Variants in CCSER1 observed in about 807,000 individuals in gnomAD.
CCSER1 encodes the protein coiled-coil serine rich protein 1.
In CCSER1, 41 loss-of-function variants were observed where a neutral mutation model predicts 82.0. The observed-to-expected ratio is 0.50, with a 90% CI of 0.39 to 0.65. The LOEUF is 0.65. Among genes scored for constraint, CCSER1 ranks in the 30% least tolerant of loss-of-function variants. The pLI is 0.00. For missense variants in CCSER1, 1,119 were observed against 1,064.2 expected, an observed-to-expected ratio of 1.05 and a Z score of -0.72; for synonymous variants, 414 against 383.9, an observed-to-expected ratio of 1.08 and a Z score of -0.92.
chr4:90,308,541 A>T lies in CCSER1; in HGVS notation c.257A>T (p.Asn86Ile), dbSNP rs776276882. 5.6e-6 allele frequency: 9 copies of T among 1,613,768 alleles called. No homozygotes were observed. The African/African-American group carries it at 9.3e-5, about 17-fold the overall frequency. The stretch of plus-strand genomic sequence containing the variant: ...CCTAAGCAAGAGCCTACCAACCAGA[A>T]CCTTAGTATTTCAAATGGTGCTCAA... ...SEPKQEPTNQ[N>I]LSISNGAQPG... The change falls in exon 2 of 11, where the codon AAC becomes ATC. Residue 86 changes from asparagine (N) to isoleucine (I), a missense_variant. Asn to Ile is a moderately radical substitution (Grantham distance 149). Transcript: ENST00000509176.
intron 9 of CCSER1, among the ~76,000 whole-genome samples, chr4:90,992,683 C>T (rs1429955454): frequency 2.6e-5 from 4 of 151,808 alleles, no homozygotes; most frequent in Non-Finnish European, 4.4e-5. Flanking sequence ...GTTGTAGGGC[C>T]GTTAGGTCTT....
chr4:90,557,855 G>T (rs1470145854), intron 5 of CCSER1, among the ~76,000 whole-genome samples: 3 of 152,036 alleles, frequency 2.0e-5, no homozygotes, highest in Admixed American at 2.0e-4. Context: ...TAGCCTTAAT[G>T]TGTTTTTATT....
intron 3 of CCSER1, among the ~76,000 whole-genome samples, chr4:90,361,021 T>C (rs1409643554): frequency 1.3e-5 from 2 of 152,226 alleles, no homozygotes; most frequent in Non-Finnish European, 2.9e-5. Context: ...TAGTTCATTC[T>C]GTCTAGGTAA....
chr4:91,537,137 G>A lies in CCSER1; in HGVS notation c.2218-61435G>A, dbSNP rs568999398. On this transcript the variant is annotated intron_variant, in intron 10 of 10. Transcript: ENST00000509176. ...GGTCAGGCATTATAGTAAAAGGCTC[G>A]AACACATTAGTTTACAGCATCCCTG... Among the ~76,000 whole-genome samples, 7 of 152,046 alleles carry A rather than the reference G, an allele frequency of 4.6e-5. No individual in the cohort carries two copies. In the South Asian group the frequency reaches 1.0e-3, roughly 23 times the overall value.
At chr4:90,815,641 A>T in intron 7 of CCSER1, 121 bp from the exon 8 acceptor site, 1 of 612,940 alleles carries the variant, frequency 1.6e-6, no homozygotes, top group Non-Finnish European at 2.8e-6. Context: ...CATACTATAG[A>T]GGGAATTTGA....
chr4:91,469,330 T>A (rs1328632662), intron 10 of CCSER1, among the ~76,000 whole-genome samples: 2 of 152,138 alleles, frequency 1.3e-5, no homozygotes, highest in Admixed American at 1.3e-4. Flanking sequence ...TAGAACATAG[T>A]TTTTAAAAAA....
intron 10 of CCSER1, among the ~76,000 whole-genome samples, chr4:91,393,870 G>C (rs1751810187): frequency 6.6e-6 from 1 of 151,882 alleles, no homozygotes; most frequent in Admixed American, 6.6e-5. Flanking sequence ...CTGGTGCTGA[G>C]AGAGAGTCAA....
chr4:90,710,183 A>G (rs1013634676), intron 6 of CCSER1, among the ~76,000 whole-genome samples: 4 of 152,082 alleles, frequency 2.6e-5, no homozygotes, highest in Non-Finnish European at 5.9e-5. Context: ...GACTCTGGAT[A>G]TTAGACCTTT....
chr4:91,344,931 T>C (rs896151202), intron 10 of CCSER1, among the ~76,000 whole-genome samples: 2 of 152,202 alleles, frequency 1.3e-5, no homozygotes, highest in Admixed American at 1.3e-4. Flanking sequence ...ACTTCATAAA[T>C]GTTTATGAGC....
chr4:91,427,657 T>C (rs17018502), intron 10 of CCSER1, among the ~76,000 whole-genome samples: 12,304 of 152,146 alleles, frequency 0.081, 552 homozygotes, highest in Non-Finnish European at 0.099. Context: ...TACAGAATGG[T>C]TGTGAGGATT....
intron 10 of CCSER1, among the ~76,000 whole-genome samples, chr4:91,181,458 T>A (rs1398485161): frequency 6.6e-6 from 1 of 152,208 alleles, no homozygotes; most frequent in Non-Finnish European, 1.5e-5. Context: ...TTTAAATATT[T>A]GTTCTTTTAA....
intron 10 of CCSER1, among the ~76,000 whole-genome samples, chr4:91,509,533 G>A (rs1318833474): frequency 7.2e-5 from 11 of 152,014 alleles, no homozygotes; most frequent in Admixed American, 7.2e-4. Flanking sequence ...GGAACTTGAG[G>A]ATAATATATC....
At chr4:90,708,465 G>A (rs759406455) in intron 6 of CCSER1, among the ~76,000 whole-genome samples, 2 of 152,148 alleles carry the variant, frequency 1.3e-5, no homozygotes, top group Non-Finnish European at 2.9e-5. Flanking sequence ...GGCTGGGAGT[G>A]TAACACTAGT....
intron 6 of CCSER1, among the ~76,000 whole-genome samples, chr4:90,701,655 C>T (rs1738154261): frequency 6.6e-6 from 1 of 152,118 alleles, no homozygotes; most frequent in South Asian, 2.1e-4. Context: ...TCCTCTTTTA[C>T]TTCATTGAGA....
At chr4:90,626,385 TTGA>T (rs1487878560) in intron 5 of CCSER1, among the ~76,000 whole-genome samples, 1 of 152,230 alleles carries the variant, frequency 6.6e-6, no homozygotes, top group African/African-American at 2.4e-5. Context: ...ATTTTTATAC[TTGA>T]TTTTATTCTT....
intron 1 of CCSER1, among the ~76,000 whole-genome samples, chr4:90,237,488 T>C (rs1465575275): frequency 1.3e-5 from 2 of 152,186 alleles, no homozygotes; most frequent in African/African-American, 4.8e-5. Flanking sequence ...TGTTTCTCAA[T>C]AGCTTTTCCA....
In CCSER1 at chr4:91,394,778, A is replaced by G. The variant is rs143270889; in HGVS notation, c.2218-203794A>G. Reference sequence around the variant, plus strand: ...ACTTAGTAAAGCATTTCTAACATATAACAAAAAACCTTCTAGATGTATTGC... The same window carrying G: ...ACTTAGTAAAGCATTTCTAACATATGACAAAAAACCTTCTAGATGTATTGC... On this transcript the variant is annotated intron_variant, in intron 10 of 10. Transcript: ENST00000509176. Among the ~76,000 whole-genome samples, 127 of 152,170 alleles carry G rather than the reference A, an allele frequency of 8.3e-4. 1 individual carries two copies. Among genetic ancestry groups the G allele is most frequent in the African/African-American group, 3.1e-3 (127 of 41,562 alleles).
chr4:90,910,429 A>G (rs1483851412), intron 8 of CCSER1, among the ~76,000 whole-genome samples: 1 of 152,214 alleles, frequency 6.6e-6, no homozygotes, highest in African/African-American at 2.4e-5. Flanking sequence ...TTTCCAATTC[A>G]TATTTTTTAT....
chr4:90,628,181 C>T lies in CCSER1; in HGVS notation c.1881C>T (p.Asp627=), dbSNP rs1286741267. 3.6e-5 allele frequency: 58 copies of T among 1,613,764 alleles called. No homozygotes were observed. Among genetic ancestry groups the T allele is most frequent in the Non-Finnish European group, 4.7e-5 (56 of 1,179,844 alleles). The change falls in exon 6 of 11, where the codon GAC becomes GAT. Residue 627 remains aspartate (D), a synonymous_variant. Transcript: ENST00000509176. The part of the protein sequence containing the change: ...DSLPFRLMLQ[D]CTAVKTLLLK... Reference sequence around the variant, plus strand: ...TGCCATTCAGACTGATGTTACAGGACTGCACGGCAGTCAAGACGTTATTAT... The same window carrying T: ...TGCCATTCAGACTGATGTTACAGGATTGCACGGCAGTCAAGACGTTATTAT...
Sources: allele counts gnomAD v4.1 joint callset (sites outside exome capture counted in the v4.1 genomes callset), GRCh38; gene constraint gnomAD v4.1.1; transcripts MANE v1.5; gene names NCBI Gene and HGNC (gene_info 2026-07-23, HGNC 2026-07-21).